PRDM2: variants seen among roughly 807,000 people sequenced by gnomAD.
The protein encoded by PRDM2 is PR/SET domain 2, also known as PR domain zinc finger protein 2.
PRDM2 carries 30 observed loss-of-function variants against 130.0 expected under a neutral mutation model. The ratio of observed to expected loss-of-function variants is 0.23; its 90% confidence interval spans 0.17 to 0.31. PRDM2 has a LOEUF of 0.31. PRDM2 is among the 10% of genes least tolerant of loss of function. The pLI is 1.00. For missense variants in PRDM2, 2,011 were observed against 2,108.4 expected (o/e 0.95, Z 0.90); for synonymous variants, 871 against 782.4 (o/e 1.11, Z -1.89).
At position 13,789,445 on chromosome 1, in the gene PRDM2, G is replaced by A. The variant is rs76977807; in HGVS notation, c.5036+6614G>A. 4.0e-3 allele frequency among the ~76,000 whole-genome samples: 608 copies of A among 152,296 alleles called. 1 individual carries two copies. The highest frequency in any genetic ancestry group is 0.014 in the African/African-American group (584 of 41,572). On this transcript the variant is annotated intron_variant, in intron 8 of 9. Transcript: ENST00000311066. ...AAAATGGACAAAAATCCTGACTTCC[G>A]TGGGGCTTGTATTTTCATAGTGGCT... is the stretch of plus-strand genomic sequence containing the variant.
At chr1:13,761,081 C>G (rs915374776) in intron 6 of PRDM2, among the ~76,000 whole-genome samples, 1 of 152,204 alleles carries the variant, frequency 6.6e-6, no homozygotes. Context: ...CACTGTTAAC[C>G]AAACGAGGAC....
chr1:13,738,995 AG>A (rs1381353350), intron 4 of PRDM2: 1 of 151,440 alleles, frequency 6.6e-6, no homozygotes, highest in Non-Finnish European at 1.5e-5. Context: ...AAAAAAAAAA[AG>A]GCTTTCATTG....
At chr1:13,737,318 A>T (rs944297537) in intron 4 of PRDM2, among the ~76,000 whole-genome samples, 5 of 152,234 alleles carry the variant, frequency 3.3e-5, no homozygotes, top group East Asian at 1.9e-4. Context: ...TGAAATTCGA[A>T]TTTCAGTTCA....
chr1:13,781,078 C>T lies in PRDM2; in HGVS notation c.3283C>T (p.Leu1095Phe). The change falls in exon 8 of 10, where the codon CTC (leucine) becomes TTC (phenylalanine). Residue 1095 changes from leucine to phenylalanine, a missense_variant. By Grantham distance (22) the Leu-to-Phe change is conservative. Around this residue, in one of 5 missense-constraint regions of PRDM2, gnomAD observed 1,288 missense variants for 1,237.7 expected, o/e 1.04. Transcript: ENST00000311066. This position sits in a 1 kb window ranked among gnomAD's most constrained non-coding sequence, Gnocchi z 6.1. ...CTCTGGTGATAATCTGGAGGCTTCT[C>T]TCCCCATGATATCTTTCAAACAGGA... ...VSSGDNLEAS[L>F]PMISFKQEEL... 1 of 1,613,694 alleles carries T rather than the reference C, an allele frequency of 6.2e-7. No individual in the cohort carries two copies. Among genetic ancestry groups the T allele is most frequent in the Non-Finnish European group, 8.5e-7 (1 of 1,179,614 alleles).
Position 13,782,379 on chromosome 1 carries a change from G to T in PRDM2, c.4584G>T (p.Gln1528His). ...ADAEIKMQSM[Q>H]TPLGKTRARS... is the part of the protein sequence containing the mutation. ...CGGAGATTAAAATGCAAAGCATGCAGACTCCGTTGGGCAAGACCAGAGCCC... is the reference window on the plus strand; with the variant it reads ...CGGAGATTAAAATGCAAAGCATGCATACTCCGTTGGGCAAGACCAGAGCCC... Residue 1528 changes from glutamine (Q) to histidine (H), a missense_variant, in exon 8 of 10, where the codon CAG (glutamine) becomes CAT (histidine). Gln to His is a conservative substitution (Grantham distance 24). Transcript: ENST00000311066. 6.2e-7 allele frequency: 1 copy of T among 1,613,852 alleles called. No individual in the cohort carries two copies. The highest frequency in any genetic ancestry group is 1.1e-5 in the South Asian group (1 of 91,046).
Position 13,806,146 on chromosome 1 carries a change from C to T in PRDM2, c.5037-10281C>T, listed in dbSNP as rs1645083065. On this transcript the variant is annotated intron_variant, in intron 8 of 9. Transcript: ENST00000311066. The surrounding 1 kb of genome is among the most constrained non-coding windows in gnomAD (Gnocchi z 4.1). ...CCCTTGGCCCATCTGCGGCAGTGGA[C>T]GCTGTTAATCCTTCTCTTCCTTGAA... is the stretch of plus-strand genomic sequence containing the variant. Among the ~76,000 whole-genome samples the T allele has an allele frequency of 6.6e-6, 1 of 151,992 alleles. No homozygotes were observed. The highest frequency in any genetic ancestry group is 6.6e-5 in the Admixed American group (1 of 15,256).
chr1:13,756,132 G>A lies in PRDM2; in HGVS notation c.511+6645G>A, dbSNP rs1643945680. On this transcript the variant is annotated intron_variant, in intron 6 of 9. Coordinates refer to ENST00000311066, the MANE Select transcript of PRDM2 (RefSeq NM_001393986.1). ...AAAAAAATTAGCTGGGCGTGGTGGC[G>A]GGCGCCTGTAGTCCCAGCTACTCCG... Among the ~76,000 whole-genome samples the A allele has an allele frequency of 2.0e-5, 3 of 151,652 alleles. No individual in the cohort carries two copies. In the East Asian group the frequency reaches 5.8e-4, roughly 29 times the overall value.
rs1038800237 is a variant in PRDM2 at position 13,803,347 on chromosome 1, G to A, written c.5037-13080G>A. Among the ~76,000 whole-genome samples the A allele has an allele frequency of 2.9e-4, 44 of 152,198 alleles. No homozygotes were observed. Among genetic ancestry groups the A allele is most frequent in the African/African-American group, 1.0e-3 (42 of 41,448 alleles). On this transcript the variant is annotated intron_variant, in intron 8 of 9. Transcript: ENST00000311066. This position sits in a 1 kb window ranked among gnomAD's most constrained non-coding sequence, Gnocchi z 6.2. Reference sequence around the variant, plus strand: ...TGAGCACCAGCCTTTGCTAGGCCCCGTGGCAGGTTCGATGGGTGAGAAGTG... The same window carrying A: ...TGAGCACCAGCCTTTGCTAGGCCCCATGGCAGGTTCGATGGGTGAGAAGTG...
At chr1:13,759,006 A>G (rs1402791831) in intron 6 of PRDM2, among the ~76,000 whole-genome samples, 1 of 152,134 alleles carries the variant, frequency 6.6e-6, no homozygotes, top group Non-Finnish European at 1.5e-5. Flanking sequence ...TTTCAATTTT[A>G]TATGTTCTTG....
intron 6 of PRDM2, among the ~76,000 whole-genome samples, chr1:13,759,663 G>A (rs1644049186): frequency 6.6e-6 from 1 of 152,182 alleles, no homozygotes; most frequent in Non-Finnish European, 1.5e-5. Context: ...TGGGTCCCAA[G>A]TCTTCTAATC....
intron 6 of PRDM2, among the ~76,000 whole-genome samples, chr1:13,766,630 T>C (rs541969125): frequency 1.1e-4 from 17 of 152,304 alleles, no homozygotes; most frequent in African/African-American, 4.1e-4. Flanking sequence ...ATGGTACAGC[T>C]GTGGAAATCT....
chr1:13,792,625 A>T (rs1206465306), intron 8 of PRDM2, among the ~76,000 whole-genome samples: 1 of 152,220 alleles, frequency 6.6e-6, no homozygotes, highest in African/African-American at 2.4e-5. Context: ...TGATTCAGTC[A>T]GCCAGCCATT....
chr1:13,728,523 CCTGGGGCTGCCCAGCGT>C (rs1222521095), intron 2 of PRDM2, among the ~76,000 whole-genome samples: 1 of 152,098 alleles, frequency 6.6e-6, no homozygotes, highest in African/African-American at 2.4e-5. Flanking sequence ...GAGGGAGGGC[CCTGGGGCTGCCCAGCGT>C]CTGGGTTGTG....
chr1:13,821,501 C>T (rs944666535), intron 9 of PRDM2, among the ~76,000 whole-genome samples: 39 of 151,770 alleles, frequency 2.6e-4, no homozygotes, highest in African/African-American at 8.0e-4. Flanking sequence ...TTCACTCTGT[C>T]GCCCAGGCTG....
rs904752990 is a variant in PRDM2, at chr1:13,708,168, T to C, written c.-65-7373T>C. Among the ~76,000 whole-genome samples the C allele has an allele frequency of 3.0e-4, 45 of 151,898 alleles. 1 individual carries two copies. The highest frequency in any genetic ancestry group is 3.0e-3 in the Admixed American group (45 of 15,246). On this transcript the variant is annotated intron_variant, in intron 1 of 9. Transcript: ENST00000311066. ...TGCTTGGAGCAGTAGATTTTGAAAA[T>C]TTCCCCTTTAATCTTTTTTTTTTTT...
chr1:13,755,539 A>C (rs1211757256), intron 6 of PRDM2, among the ~76,000 whole-genome samples: 1 of 152,222 alleles, frequency 6.6e-6, no homozygotes, highest in African/African-American at 2.4e-5. Flanking sequence ...AAAATACTTT[A>C]GTTGATTTTT....
At chr1:13,819,555 T>A (rs974056946) in intron 9 of PRDM2, among the ~76,000 whole-genome samples, 14 of 152,220 alleles carry the variant, frequency 9.2e-5, no homozygotes, top group African/African-American at 3.1e-4. Context: ...ATATTATTTT[T>A]AAAATAATTT....
intron 8 of PRDM2, among the ~76,000 whole-genome samples, chr1:13,790,940 C>G (rs1364269702): frequency 6.6e-6 from 1 of 152,080 alleles, no homozygotes; most frequent in Non-Finnish European, 1.5e-5. Flanking sequence ...TTGCTGGGTA[C>G]TCTGCTGAGC....
At position 13,773,130 on chromosome 1, in the gene PRDM2, A is replaced by G. The variant is rs760752292; in HGVS notation, c.564A>G (p.Ile188Met). ...NKNKGNKIQD[I>M]QLKTSEPDFT... ...ACAAAGGAAACAAAATCCAAGACAT[A>G]CAACTGAAGACAAGTGAGCCAGATT... is the stretch of plus-strand genomic sequence containing the variant. The change falls in exon 7 of 10, where the codon ATA becomes ATG. Residue 188 changes from isoleucine (I) to methionine (M), a missense_variant. By Grantham distance (10) the Ile-to-Met change is conservative. Transcript: ENST00000311066. The G allele has an allele frequency of 1.3e-6, 2 of 1,579,074 alleles. No individual in the cohort carries two copies. The highest frequency in any genetic ancestry group is 8.6e-7 in the Non-Finnish European group (1 of 1,166,982).
Sources: gnomAD v4.1 joint callset for allele counts (sites outside exome capture counted in the v4.1 genomes callset) on GRCh38, gnomAD v4.1.1 for gene constraint, gnomAD v4.1.1 regional missense constraint, Gnocchi (gnomAD v3.1) non-coding constraint, MANE v1.5 for transcripts, NCBI Gene and HGNC (gene_info 2026-07-23, HGNC 2026-07-21) for gene names.